AK9: variants seen among roughly 807,000 people sequenced by gnomAD.
AK9 encodes adenylate kinase domain containing 1.
A neutral mutation model predicts 239.6 loss-of-function variants in AK9; 191 were observed. The observed-to-expected ratio is 0.80, with a 90% CI of 0.71 to 0.90. The LOEUF is 0.90. Ranked by LOEUF, AK9 falls within the 40% of genes least tolerant of loss-of-function variation. AK9 has a pLI of 0.00. For synonymous variants in AK9, 689 were observed against 721.0 expected (o/e 0.96, Z 0.71); for missense variants, 1,995 against 2,214.7 (o/e 0.90, Z 1.99).
chr6:109,541,247 TAAA>T (rs1782841439), intron 27 of AK9, among the ~76,000 whole-genome samples: 2 of 152,302 alleles, frequency 1.3e-5, no homozygotes, highest in South Asian at 4.1e-4. Flanking sequence ...AAGGCCTTAA[TAAA>T]AAGGCAAAAA....
At chr6:109,515,129 T>C (rs758842146) in intron 31 of AK9, among the ~76,000 whole-genome samples, 2 of 152,180 alleles carry the variant, frequency 1.3e-5, no homozygotes, top group Non-Finnish European at 2.9e-5. Flanking sequence ...GAGAAAATAA[T>C]TTCTGTTGTT....
chr6:109,530,466 T>A (rs2078569769), intron 28 of AK9, among the ~76,000 whole-genome samples: 2 of 152,210 alleles, frequency 1.3e-5, no homozygotes, highest in South Asian at 4.1e-4. Flanking sequence ...TAAAAACATA[T>A]TTTTACCATA....
chr6:109,613,252 CCACT>C (rs1318907349), intron 15 of AK9, among the ~76,000 whole-genome samples: 1 of 151,534 alleles, frequency 6.6e-6, no homozygotes, highest in African/African-American at 2.4e-5. Flanking sequence ...AGAAGACAAA[CCACT>C]CAATTTGTAA....
At chr6:109,610,646 G>T in intron 16 of AK9, 133 bp from the exon 17 acceptor site, 1 of 1,005,686 alleles carries the variant, frequency 9.9e-7, no homozygotes, top group Non-Finnish European at 1.4e-6. Context: ...CATGTTGGAA[G>T]GAGGGAGAAA....
intron 6 of AK9, 48 bp downstream of exon 6, chr6:109,662,503 A>G (rs759531695): frequency 1.5e-6 from 2 of 1,348,344 alleles, no homozygotes; most frequent in Non-Finnish European, 9.8e-7. Context: ...TTTAACTACT[A>G]TCAAAAAGAA....
At chr6:109,583,235 G>A (rs1273225560) in intron 19 of AK9, among the ~76,000 whole-genome samples, 2 of 152,086 alleles carry the variant, frequency 1.3e-5, no homozygotes, top group Non-Finnish European at 2.9e-5. Flanking sequence ...TGTTGCTGCT[G>A]AGAATCTAAG....
chr6:109,516,091 AT>A lies in AK9; in HGVS notation c.3847-17del, dbSNP rs1309345251. ...CAAGTTCATCCTGATAAGAAAAGTC[AT>A]AAAAACAAATATATTTAGTGAGAAA... On this transcript the variant is annotated splice_polypyrimidine_tract_variant and intron_variant, in intron 30 of 40. Coordinates refer to ENST00000424296, the MANE Select transcript of AK9 (RefSeq NM_001145128.3). 3.9e-6 allele frequency: 6 copies of A among 1,524,582 alleles called. No individual in the cohort carries two copies. Among genetic ancestry groups the A allele is most frequent in the Non-Finnish European group, 5.3e-6 (6 of 1,124,162 alleles). The allele number at this position is 1,524,582 out of a possible 1,614,324, so 94.4% of individuals were successfully genotyped here. A position where few individuals can be genotyped will look rare whatever the true frequency, so the allele number is the denominator to read the frequency against.
chr6:109,606,200 G>GCATTTAAACATAC (rs1792854262), intron 17 of AK9, among the ~76,000 whole-genome samples: 1 of 151,688 alleles, frequency 6.6e-6, no homozygotes, highest in Admixed American at 6.6e-5. Context: ...TACTATTTCT[G>GCATTTAAACATAC]GATTCCCTTA....
In AK9 at chr6:109,626,186, T is replaced by C. The variant is rs148845459; in HGVS notation, c.1254+6737A>G. 1.4e-4 allele frequency among the ~76,000 whole-genome samples: 22 copies of C among 152,214 alleles called. No individual in the cohort carries two copies. In the East Asian group the frequency reaches 4.3e-3, roughly 30 times the overall value. On this transcript the variant is annotated intron_variant, in intron 12 of 40. Coordinates refer to ENST00000424296, the MANE Select transcript of AK9 (RefSeq NM_001145128.3). ...GATTTCCATTTGGTTCTGTTTTAAG[T>C]AGTTTTTTCATTTATCTTAAGAGAT... is the stretch of plus-strand genomic sequence containing the variant.
chr6:109,572,931 C>G (rs984093657), intron 21 of AK9, among the ~76,000 whole-genome samples: 17 of 152,074 alleles, frequency 1.1e-4, no homozygotes, highest in African/African-American at 3.9e-4. Context: ...AATGAGACCT[C>G]TGAGGTAGGG....
chr6:109,686,449 G>A (rs138977691), intron 1 of AK9, among the ~76,000 whole-genome samples: 44 of 152,290 alleles, frequency 2.9e-4, no homozygotes, highest in African/African-American at 9.4e-4. Flanking sequence ...AGCATAAAGC[G>A]CACTAAAGAA....
At position 109,619,261 on chromosome 6, in the gene AK9, G is replaced by A. The variant is rs191994465; in HGVS notation, c.1255-25C>T. On this transcript the variant is annotated intron_variant, in intron 12 of 40. Coordinates refer to ENST00000424296, the MANE Select transcript of AK9 (RefSeq NM_001145128.3). ...CCTGCAAAGAATATTTGAGAAAATC[G>A]ACATAAGCAGGAGTTATTGTGACTA... The A allele has an allele frequency of 2.9e-3, 4,456 of 1,534,584 alleles. 6 individuals are homozygous for A. The highest frequency in any genetic ancestry group is 3.2e-3 in the Non-Finnish European group (3,676 of 1,141,150).
At position 109,672,146 on chromosome 6, in the gene AK9, T is replaced by A. The variant is rs764457053; in HGVS notation, c.203A>T (p.Gln68Leu). The A allele has an allele frequency of 6.2e-7, 1 of 1,613,122 alleles. No homozygotes were observed. The highest frequency in any genetic ancestry group is 8.5e-7 in the Non-Finnish European group (1 of 1,179,542). The change falls in exon 4 of 41, where the codon CAG (glutamine) becomes CTG (leucine). Residue 68 changes from glutamine (Q) to leucine (L), a missense_variant. Coordinates refer to ENST00000424296, the MANE Select transcript of AK9 (RefSeq NM_001145128.3). Reference sequence around the variant, plus strand: ...TCCTGATTCGGTTTCAGCAGCAATCTGTTCTTCTAAAATTGGCAAAGCTAA... The same window carrying A: ...TCCTGATTCGGTTTCAGCAGCAATCAGTTCTTCTAAAATTGGCAAAGCTAA... The part of the protein sequence containing the change: ...RVEALPILEE[Q>L]IAAETESGVM...
chr6:109,639,845 C>T (rs1243998422), intron 10 of AK9, among the ~76,000 whole-genome samples: 1 of 152,122 alleles, frequency 6.6e-6, no homozygotes, highest in Non-Finnish European at 1.5e-5. Flanking sequence ...AGGAAGGGAT[C>T]CAGTTTCAGC....
At chr6:109,634,912 C>T (rs748890190) in intron 10 of AK9, among the ~76,000 whole-genome samples, 6 of 152,170 alleles carry the variant, frequency 3.9e-5, no homozygotes, top group Non-Finnish European at 8.8e-5. Flanking sequence ...AATAGCAGAC[C>T]ATGTTCCTCT....
intron 32 of AK9, 127 bp from the exon 33 acceptor site, chr6:109,509,507 T>G: frequency 1.2e-6 from 1 of 816,646 alleles, no homozygotes; most frequent in Non-Finnish European, 1.9e-6. Flanking sequence ...GTCCCCCAAG[T>G]AGCAAACATA....
At position 109,542,136 on chromosome 6, in the gene AK9, T is replaced by C; in HGVS notation, c.3261A>G (p.Val1087=). The part of the protein sequence containing the change: ...PEVQLTEEEE[V]IKSSLMENEP... ...CATTTTCCATTAGACTTGATTTGAT[T>C]ACTTCTTCTTCTTCTGTAAGTTGTA... Residue 1087 remains valine, a synonymous_variant, in exon 27 of 41, where the codon GTA becomes GTG. Coordinates refer to ENST00000424296, the MANE Select transcript of AK9 (RefSeq NM_001145128.3). 6.2e-7 allele frequency: 1 copy of C among 1,604,806 alleles called. No individual in the cohort carries two copies. Among genetic ancestry groups the C allele is most frequent in the Non-Finnish European group, 8.5e-7 (1 of 1,176,200 alleles).
chr6:109,618,130 A>C (rs563161435), intron 13 of AK9, among the ~76,000 whole-genome samples: 14 of 152,198 alleles, frequency 9.2e-5, no homozygotes, highest in Non-Finnish European at 1.8e-4. Context: ...CACAGAGTGC[A>C]CTGCCATAGC....
intron 12 of AK9, among the ~76,000 whole-genome samples, chr6:109,627,707 A>G (rs6568586): frequency 0.82 from 124,233 of 152,106 alleles, 51,648 homozygotes; most frequent in East Asian, 1. Context: ...CCAGGCTGGA[A>G]TGCAGTGGTG....
Sources: gnomAD v4.1 joint callset for allele counts (sites outside exome capture counted in the v4.1 genomes callset) on GRCh38, gnomAD v4.1.1 for gene constraint, MANE v1.5 for transcripts, NCBI Gene and HGNC (gene_info 2026-07-23, HGNC 2026-07-21) for gene names.